VWA8: variants seen among roughly 807,000 people sequenced by gnomAD.
VWA8 encodes von Willebrand factor A domain-containing protein 8.
VWA8 carries 221 observed loss-of-function variants against 241.5 expected under a neutral mutation model. The ratio of observed to expected loss-of-function variants is 0.91; its 90% confidence interval spans 0.82 to 1.02. VWA8 has a LOEUF of 1.02. Among genes scored for constraint, VWA8 ranks in the 50% least tolerant of loss-of-function variants. The pLI is 0.00. For missense variants in VWA8, 2,322 were observed against 2,328.7 expected (o/e 1.00, Z 0.06); for synonymous variants, 852 against 827.1 (o/e 1.03, Z -0.52).
At chr13:41,849,686 A>C (rs1242168097) in intron 12 of VWA8, among the ~76,000 whole-genome samples, 3 of 152,202 alleles carry the variant, frequency 2.0e-5, no homozygotes, top group Non-Finnish European at 4.4e-5. Flanking sequence ...CAGGAGTTCA[A>C]GACCAGCCTG....
rs925734772 is a variant in VWA8, at chr13:41,957,126, C to T, written c.163+3727G>A. Among the ~76,000 whole-genome samples, 21 of 152,168 alleles carry T rather than the reference C, an allele frequency of 1.4e-4. No homozygotes were observed. In the Middle Eastern group the frequency reaches 0.01, roughly 74 times the overall value. ...GTGGCTCATATGGTTTGCCTGTGTC[C>T]GACCCAAATCTTGTCTTGAATTCTA... On this transcript the variant is annotated intron_variant, in intron 1 of 44. Transcript: ENST00000379310.
chr13:41,757,512 G>C (rs1377656755), intron 21 of VWA8, among the ~76,000 whole-genome samples: 1 of 150,782 alleles, frequency 6.6e-6, no homozygotes, highest in Non-Finnish European at 1.5e-5. Context: ...GTGTGATCCT[G>C]AGATTTAGGG....
At chr13:41,935,285 C>A (rs1248368662) in intron 2 of VWA8, among the ~76,000 whole-genome samples, 2 of 152,150 alleles carry the variant, frequency 1.3e-5, no homozygotes, top group South Asian at 2.1e-4. Context: ...GCTGAAGGCA[C>A]CTTTGTTAGG....
chr13:41,952,745 A>ATT (rs930593809), intron 1 of VWA8, among the ~76,000 whole-genome samples: 4 of 150,534 alleles, frequency 2.7e-5, no homozygotes, highest in African/African-American at 9.8e-5. Context: ...TTGGCTGTCC[A>ATT]TTTTTTTTTT....
chr13:41,650,300 A>G (rs1005443794), intron 37 of VWA8, among the ~76,000 whole-genome samples: 1 of 152,214 alleles, frequency 6.6e-6, no homozygotes, highest in Non-Finnish European at 1.5e-5. Context: ...CAGATGGGGA[A>G]ATGGAGCTTC....
intron 2 of VWA8, among the ~76,000 whole-genome samples, chr13:41,929,521 T>C (rs907405129): frequency 2.0e-5 from 3 of 152,066 alleles, no homozygotes; most frequent in African/African-American, 7.2e-5. Context: ...CTAGTATGTA[T>C]CAGTTTTTAA....
chr13:41,753,292 C>G (rs1034474908), intron 21 of VWA8, among the ~76,000 whole-genome samples: 6 of 151,456 alleles, frequency 4.0e-5, no homozygotes, highest in African/African-American at 1.5e-4. Flanking sequence ...TGAAGGATAG[C>G]AAATGAAAAA....
chr13:41,886,736 C>T (rs780601740), intron 7 of VWA8, 45 bp downstream of exon 7: 2 of 1,492,842 alleles, frequency 1.3e-6, no homozygotes, highest in African/African-American at 1.4e-5. Context: ...ACAGGCAAAA[C>T]AAATTCAATA....
chr13:41,794,640 G>A (rs1869607016), intron 17 of VWA8, among the ~76,000 whole-genome samples: 1 of 152,168 alleles, frequency 6.6e-6, no homozygotes, highest in Admixed American at 6.5e-5. Flanking sequence ...TCTCTTGCCT[G>A]ATTGCCCTGG....
intron 37 of VWA8, among the ~76,000 whole-genome samples, chr13:41,631,796 G>C (rs2044728555): frequency 6.6e-6 from 1 of 152,092 alleles, no homozygotes; most frequent in South Asian, 2.1e-4. Flanking sequence ...ATTGTGTGTA[G>C]GTGAGTGTCA....
At chr13:41,583,228 C>T (rs779218510) in intron 42 of VWA8, among the ~76,000 whole-genome samples, 29 of 151,974 alleles carry the variant, frequency 1.9e-4, no homozygotes, top group Non-Finnish European at 2.8e-4. Flanking sequence ...TTGCCAGGGG[C>T]GGTAGGAAGA....
chr13:41,585,066 GGT>G (rs1566376737), intron 42 of VWA8, among the ~76,000 whole-genome samples: 1 of 151,218 alleles, frequency 6.6e-6, no homozygotes, highest in African/African-American at 2.4e-5. Flanking sequence ...GTAACAGTTT[GGT>G]TTGTAACTGT....
intron 2 of VWA8, among the ~76,000 whole-genome samples, chr13:41,938,162 CA>C (rs530867788): frequency 0.035 from 3,428 of 97,930 alleles, 107 homozygotes; most frequent in African/African-American, 0.11. Context: ...TGGTCTCTTT[CA>C]AAAAAAAAAA....
chr13:41,867,634 C>T (rs1873373958), intron 10 of VWA8, among the ~76,000 whole-genome samples: 1 of 152,080 alleles, frequency 6.6e-6, no homozygotes, highest in African/African-American at 2.4e-5. Context: ...TGGAACCTAG[C>T]TCATGGTGGA....
intron 12 of VWA8, among the ~76,000 whole-genome samples, chr13:41,859,183 AT>A (rs1872896215): frequency 6.6e-6 from 1 of 152,130 alleles, no homozygotes; most frequent in African/African-American, 2.4e-5. Context: ...TGAAATCTTC[AT>A]AAGAGAAAAG....
At chr13:41,626,181 A>G (rs2044689764) in intron 37 of VWA8, among the ~76,000 whole-genome samples, 1 of 151,974 alleles carries the variant, frequency 6.6e-6, no homozygotes, top group Admixed American at 6.6e-5. Context: ...ATGTATACAT[A>G]TGTAACAAAC....
At chr13:41,758,658 C>T (rs1009657517) in intron 21 of VWA8, among the ~76,000 whole-genome samples, 2 of 150,402 alleles carry the variant, frequency 1.3e-5, no homozygotes, top group African/African-American at 4.9e-5. Context: ...TCATCTATAA[C>T]ATGCATGCCA....
chr13:41,603,128 A>C (rs1048602706), intron 40 of VWA8, among the ~76,000 whole-genome samples: 4 of 152,128 alleles, frequency 2.6e-5, no homozygotes, highest in Non-Finnish European at 4.4e-5. Flanking sequence ...AAGGATTTTT[A>C]AAAAATGGGT....
At chr13:41,734,471 G>A (rs1053903779) in intron 21 of VWA8, among the ~76,000 whole-genome samples, 6 of 152,210 alleles carry the variant, frequency 3.9e-5, no homozygotes, top group Admixed American at 1.3e-4. Context: ...CCAAGATGGA[G>A]TTGAATTGGA....
Sources: allele counts gnomAD v4.1 joint callset (sites outside exome capture counted in the v4.1 genomes callset), GRCh38; gene constraint gnomAD v4.1.1; transcripts MANE v1.5; gene names NCBI Gene and HGNC (gene_info 2026-07-23, HGNC 2026-07-21).